Variants in MYO16 observed in about 807,000 individuals in gnomAD.
The protein encoded by MYO16 is unconventional myosin-XVI.
In MYO16, 94 loss-of-function variants were observed where a neutral mutation model predicts 205.3. That is an observed-to-expected ratio of 0.46 (90% confidence interval 0.39 to 0.54). MYO16 has a LOEUF of 0.54. Ranked by LOEUF, MYO16 falls within the 20% of genes least tolerant of loss-of-function variation. The pLI is 0.00. For synonymous variants in MYO16, 988 were observed against 954.0 expected, an observed-to-expected ratio of 1.04 and a Z score of -0.66; for missense variants, 2,315 against 2,387.5, an observed-to-expected ratio of 0.97 and a Z score of 0.63.
chr13:108,902,618 G>A (rs1038732882), intron 15 of MYO16, among the ~76,000 whole-genome samples: 1 of 152,176 alleles, frequency 6.6e-6, no homozygotes, highest in Non-Finnish European at 1.5e-5. Context: ...GACCTCCCCT[G>A]CCCATTCCTA....
intron 7 of MYO16, among the ~76,000 whole-genome samples, chr13:108,812,603 C>G (rs960049894): frequency 1.3e-5 from 2 of 152,086 alleles, no homozygotes; most frequent in African/African-American, 4.8e-5. Flanking sequence ...AAATCATGCA[C>G]AAATGAAAGG....
rs113604719 is a variant in MYO16, at chr13:108,891,781, A to G, written c.1659+3304A>G. 2.2e-3 allele frequency among the ~76,000 whole-genome samples: 329 copies of G among 152,322 alleles called. 6 individuals carry two copies. Among genetic ancestry groups the G allele is most frequent in the African/African-American group, 7.4e-3 (308 of 41,574 alleles). ...ATTCATGCAAGACAGCTGCACTTAT[A>G]TCGTTTCCTAAATCAATGCCATCTA... On this transcript the variant is annotated intron_variant, in intron 14 of 34. Transcript: ENST00000457511.
chr13:108,753,881 T>C (rs1043246308), intron 4 of MYO16, among the ~76,000 whole-genome samples: 2 of 152,258 alleles, frequency 1.3e-5, no homozygotes, highest in Admixed American at 6.5e-5. Flanking sequence ...AAAAAGAGGC[T>C]ATACTTTGAG....
chr13:108,576,346 G>T, the MYO16 span, among the ~76,000 whole-genome samples: 2 of 152,160 alleles, frequency 1.3e-5, no homozygotes, highest in Non-Finnish European at 2.9e-5. Context: ...CTTCCACGTT[G>T]TAAAGTTCTT....
chr13:108,529,930 A>T, the MYO16 span, among the ~76,000 whole-genome samples: 1 of 152,126 alleles, frequency 6.6e-6, no homozygotes, highest in African/African-American at 2.4e-5. Context: ...GGGGGATTTG[A>T]TTGAAGAATA....
intron 33 of MYO16, among the ~76,000 whole-genome samples, chr13:109,175,030 G>A (rs1033509178): frequency 1.3e-5 from 2 of 151,950 alleles, no homozygotes; most frequent in Non-Finnish European, 2.9e-5. Context: ...TATTACAGGC[G>A]TGAGCCACTG....
intron 1 of MYO16, among the ~76,000 whole-genome samples, chr13:108,648,964 A>C (rs779362754): frequency 6.6e-6 from 1 of 151,378 alleles, no homozygotes; most frequent in Non-Finnish European, 1.5e-5. Flanking sequence ...GAAGAGATTG[A>C]CATTGACAGC....
chr13:108,619,152 CA>C (rs1462150049), intron 1 of MYO16, among the ~76,000 whole-genome samples: 4 of 152,174 alleles, frequency 2.6e-5, no homozygotes, highest in African/African-American at 7.2e-5. Context: ...CATCGCACTA[CA>C]ACTTACCTTA....
intron 2 of MYO16, among the ~76,000 whole-genome samples, chr13:108,677,857 T>C (rs1423303049): frequency 6.6e-6 from 1 of 152,240 alleles, no homozygotes; most frequent in Admixed American, 6.5e-5. Context: ...CTCCGATCCA[T>C]CGAGTTTTAG....
At chr13:109,124,605 G>A (rs1352484355) in intron 29 of MYO16, among the ~76,000 whole-genome samples, 1 of 152,062 alleles carries the variant, frequency 6.6e-6, no homozygotes, top group African/African-American at 2.4e-5. Flanking sequence ...CAGGATGGAT[G>A]TCCTATATTT....
At chr13:108,775,402 T>G (rs1307790493) in intron 4 of MYO16, among the ~76,000 whole-genome samples, 1 of 152,246 alleles carries the variant, frequency 6.6e-6, no homozygotes, top group Non-Finnish European at 1.5e-5. Flanking sequence ...ATAGATTTTT[T>G]AATTCTCATT....
rs144855884 is a variant in MYO16 at position 109,071,356 on chromosome 13, G to A, written c.3335+15761G>A. 9.2e-5 allele frequency among the ~76,000 whole-genome samples: 14 copies of A among 152,238 alleles called. No homozygotes were observed. The East Asian group carries it at 2.7e-3, about 29-fold the overall frequency. On this transcript the variant is annotated intron_variant, in intron 27 of 34. Coordinates refer to ENST00000457511, the MANE Select transcript of MYO16 (RefSeq NM_001198950.3). ...TATATTCAAAACAATGAAATTTGCAGAAGAATGAATGCTATTACAAAGTGT... is the reference window on the plus strand; with the variant it reads ...TATATTCAAAACAATGAAATTTGCAAAAGAATGAATGCTATTACAAAGTGT...
At chr13:108,887,365 C>T (rs1382308584) in intron 13 of MYO16, among the ~76,000 whole-genome samples, 1 of 152,136 alleles carries the variant, frequency 6.6e-6, no homozygotes, top group African/African-American at 2.4e-5. Context: ...TGTTTCCAGG[C>T]AGAAAACCAA....
intron 2 of MYO16, among the ~76,000 whole-genome samples, chr13:108,683,305 T>G (rs1393644560): frequency 1.3e-5 from 2 of 151,858 alleles, no homozygotes; most frequent in Non-Finnish European, 2.9e-5. Context: ...GCAGAGTTGC[T>G]GGCTTGTGAC....
At position 108,703,281 on chromosome 13, in the gene MYO16, T is replaced by C. The variant is rs143952553; in HGVS notation, c.293-9380T>C. 2.0e-3 allele frequency among the ~76,000 whole-genome samples: 299 copies of C among 152,150 alleles called. 1 individual carries two copies. Among genetic ancestry groups the C allele is most frequent in the Middle Eastern group, 0.01 (3 of 294 alleles). On this transcript the variant is annotated intron_variant, in intron 2 of 34. Transcript: ENST00000457511. ...AAAAGAGCTAGAATACATATGTAAATATCAGGTAACTCAACTTTAATGTAA... is the reference window on the plus strand; with the variant it reads ...AAAAGAGCTAGAATACATATGTAAACATCAGGTAACTCAACTTTAATGTAA...
chr13:108,551,182 T>C, the MYO16 span, among the ~76,000 whole-genome samples: 3 of 152,214 alleles, frequency 2.0e-5, no homozygotes, highest in Non-Finnish European at 4.4e-5. Flanking sequence ...CCCTCAGTAA[T>C]TCCTTCTTGT....
chr13:109,176,681 A>C (rs1011210388), intron 33 of MYO16, among the ~76,000 whole-genome samples: 3 of 146,450 alleles, frequency 2.0e-5, no homozygotes, highest in Middle Eastern at 3.5e-3. Context: ...GTTGGCCGTG[A>C]TGAGGACCCT....
At chr13:108,975,529 C>G (rs1292447923) in intron 20 of MYO16, among the ~76,000 whole-genome samples, 1 of 152,130 alleles carries the variant, frequency 6.6e-6, no homozygotes, top group Admixed American at 6.6e-5. Context: ...TAATCTCTTT[C>G]AAGGGACGCA....
intron 2 of MYO16, among the ~76,000 whole-genome samples, chr13:108,685,299 G>A (rs927068785): frequency 6.6e-6 from 1 of 152,136 alleles, no homozygotes; most frequent in Non-Finnish European, 1.5e-5. Context: ...GGGATTACAG[G>A]TGTGAGCCAC....
Sources: allele counts gnomAD v4.1 joint callset (sites outside exome capture counted in the v4.1 genomes callset), GRCh38; gene constraint gnomAD v4.1.1; transcripts MANE v1.5; gene names NCBI Gene and HGNC (gene_info 2026-07-23, HGNC 2026-07-21).